TANK: variants seen among roughly 807,000 people sequenced by gnomAD.
TANK encodes the protein TRAF family member-associated NF-kappa-B activator.
A neutral mutation model predicts 43.6 loss-of-function variants in TANK; 15 were observed. The observed-to-expected ratio is 0.34, with a 90% confidence interval of 0.23 to 0.53. The LOEUF (loss-of-function observed/expected upper bound fraction) is 0.53. Among genes scored for constraint, TANK ranks in the 20% least tolerant of loss-of-function variants. TANK has a pLI of 0.94. For missense variants in TANK, 417 were observed against 498.6 expected (o/e 0.84, Z 1.56); for synonymous variants, 162 against 178.2 (o/e 0.91, Z 0.73).
chr2:161,156,912 A>G (rs1684242955), upstream of TANK, among the ~76,000 whole-genome samples: 1 of 152,178 alleles, frequency 6.6e-6, no homozygotes, highest in Non-Finnish European at 1.5e-5. Context: ...AGAGAAACAA[A>G]CACCCAGTTC....
At chr2:161,203,897 GTCCTAAGACTATA>G (rs1210418151) in intron 3 of TANK, among the ~76,000 whole-genome samples, 2 of 152,048 alleles carry the variant, frequency 1.3e-5, no homozygotes, top group Non-Finnish European at 2.9e-5. Flanking sequence ...AAAAACTCAA[GTCCTAAGACTATA>G]TCATAAGAAA....
chr2:161,227,194 G>A (rs1192697448), intron 6 of TANK: 1 of 152,168 alleles, frequency 6.6e-6, no homozygotes, highest in Admixed American at 6.5e-5. Flanking sequence ...CTCACTGCTT[G>A]AGCAGATTAA....
intron 1 of TANK, among the ~76,000 whole-genome samples, chr2:161,146,340 C>A (rs1683909845): frequency 6.6e-6 from 1 of 152,194 alleles, no homozygotes; most frequent in Non-Finnish European, 1.5e-5. Flanking sequence ...TCCATCTCAT[C>A]CTCCATTCAG....
intron 2 of TANK, chr2:161,200,625 C>A: frequency 1.3e-6 from 1 of 792,564 alleles, no homozygotes; most frequent in Non-Finnish European, 1.5e-6. Context: ...AAAGAATCTT[C>A]AAACATTACC....
At chr2:161,171,821 C>CAA (rs1684952748) in intron 1 of TANK, among the ~76,000 whole-genome samples, 1 of 152,146 alleles carries the variant, frequency 6.6e-6, no homozygotes, top group African/African-American at 2.4e-5. Context: ...AACAACTTTA[C>CAA]CATTTATGAA....
At chr2:161,177,069 A>G (rs1006881863) in intron 1 of TANK, among the ~76,000 whole-genome samples, 5 of 152,102 alleles carry the variant, frequency 3.3e-5, no homozygotes, top group African/African-American at 1.2e-4. Context: ...AAAATACTCA[A>G]AATGATGCTT....
chr2:161,160,390 C>G, upstream of TANK: 1 of 1,239,080 alleles, frequency 8.1e-7, no homozygotes, highest in African/African-American at 1.5e-5. Context: ...AGGCACTGCC[C>G]TCTGAACTGG....
upstream of TANK, among the ~76,000 whole-genome samples, chr2:161,157,001 T>C (rs542546187): frequency 1.1e-4 from 16 of 152,338 alleles, no homozygotes; most frequent in South Asian, 2.7e-3. Context: ...CTTTGGGTTA[T>C]TGCTGGTATT....
chr2:161,144,338 G>C (rs1683841589), intron 1 of TANK, among the ~76,000 whole-genome samples: 1 of 152,046 alleles, frequency 6.6e-6, no homozygotes, highest in Admixed American at 6.6e-5. Flanking sequence ...GTTATTTCTT[G>C]TCTTCTGCTA....
chr2:161,169,385 T>C (rs1414109910), intron 1 of TANK, among the ~76,000 whole-genome samples: 1 of 152,226 alleles, frequency 6.6e-6, no homozygotes, highest in Non-Finnish European at 1.5e-5. Context: ...CAACAGTGAA[T>C]AGCATTACAT....
At chr2:161,224,797 A>G in intron 6 of TANK, 51 bp downstream of exon 6, 1 of 1,141,940 alleles carries the variant, frequency 8.8e-7, no homozygotes, top group East Asian at 2.6e-5. Context: ...ATTGAAATTG[A>G]TTTCCTTTTG....
intron 2 of TANK, among the ~76,000 whole-genome samples, chr2:161,197,741 C>A (rs1304508452): frequency 1.3e-5 from 2 of 152,006 alleles, no homozygotes; most frequent in African/African-American, 4.8e-5. Flanking sequence ...TGTGAAGCCC[C>A]TTTTATAAAG....
intron 3 of TANK, among the ~76,000 whole-genome samples, chr2:161,203,986 G>A (rs1266576389): frequency 2.6e-5 from 4 of 151,994 alleles, no homozygotes; most frequent in Non-Finnish European, 5.9e-5. Flanking sequence ...GTCTAATCAT[G>A]GAAAGCTAGA....
chr2:161,231,516 G>A lies in TANK; in HGVS notation c.1066G>A (p.Asp356Asn), dbSNP rs753212772. 5.6e-6 allele frequency: 9 copies of A among 1,612,738 alleles called. No individual in the cohort carries two copies. Among genetic ancestry groups the A allele is most frequent in the South Asian group, 1.1e-5 (1 of 91,066 alleles). ...DPSDAPFPSL[D>N]SPGKAIRGPQ... ...ATCTGATGCACCTTTTCCCTCACTC[G>A]ATTCCCCGGGAAAAGCAATCCGAGG... The change falls in exon 7 of 8, where the codon GAT (aspartate) becomes AAT (asparagine). Residue 356 changes from aspartate to asparagine, a missense_variant. Transcript: ENST00000392749.
intron 4 of TANK, among the ~76,000 whole-genome samples, chr2:161,210,129 G>T (rs1476626989): frequency 6.6e-6 from 1 of 152,188 alleles, no homozygotes; most frequent in East Asian, 1.9e-4. Flanking sequence ...AGATATGGTG[G>T]CTTTGAGGAA....
Position 161,214,726 on chromosome 2 carries a change from C to G in TANK, c.328-9189C>G, listed in dbSNP as rs147931922. ...TCAGGCTCTGGGATTTCATTTTATT[C>G]TACTTACAAGCTAATAAGTTAGTTA... On this transcript the variant is annotated intron_variant, in intron 4 of 7. Coordinates refer to ENST00000392749, the MANE Select transcript of TANK (RefSeq NM_001199135.3). 2.2e-4 allele frequency among the ~76,000 whole-genome samples: 33 copies of G among 152,216 alleles called. No homozygotes were observed. In the East Asian group the frequency reaches 6.2e-3, roughly 28 times the overall value.
At chr2:161,179,213 G>A (rs1163495874) in intron 1 of TANK, among the ~76,000 whole-genome samples, 1 of 152,068 alleles carries the variant, frequency 6.6e-6, no homozygotes, top group Non-Finnish European at 1.5e-5. Context: ...TTTCAGTGTA[G>A]CAAGAATTCA....
chr2:161,191,614 A>G (rs940470341), intron 2 of TANK, among the ~76,000 whole-genome samples: 2 of 152,214 alleles, frequency 1.3e-5, no homozygotes, highest in Non-Finnish European at 2.9e-5. Context: ...CCACAACCAC[A>G]TAGCTACTAA....
At chr2:161,151,712 G>A (rs1558960410) in intron 1 of TANK, among the ~76,000 whole-genome samples, 1 of 152,068 alleles carries the variant, frequency 6.6e-6, no homozygotes, top group Non-Finnish European at 1.5e-5. Flanking sequence ...TGATCATGTT[G>A]TATTATCCAT....
Sources: allele counts gnomAD v4.1 joint callset (sites outside exome capture counted in the v4.1 genomes callset), GRCh38; gene constraint gnomAD v4.1.1; transcripts MANE v1.5; gene names NCBI Gene and HGNC (gene_info 2026-07-23, HGNC 2026-07-21).